Variants in MELK observed in about 807,000 individuals in gnomAD.
MELK encodes the protein maternal embryonic leucine zipper kinase.
MELK carries 81 observed loss-of-function variants against 85.0 expected under a neutral mutation model. That is an observed-to-expected ratio of 0.95 (90% CI 0.80 to 1.15). The LOEUF (loss-of-function observed/expected upper bound fraction) is 1.15. Among genes scored for constraint, MELK ranks in the 50% most tolerant of loss-of-function variants. The pLI, the probability that MELK is intolerant of heterozygous loss-of-function variation, is 0.00. For synonymous variants in MELK, 252 were observed against 265.0 expected (o/e 0.95, Z 0.48); for missense variants, 754 against 777.5 (o/e 0.97, Z 0.36).
At chr9:36,584,846 T>A (rs1049409134) in intron 3 of MELK, among the ~76,000 whole-genome samples, 3 of 151,372 alleles carry the variant, frequency 2.0e-5, no homozygotes, top group Non-Finnish European at 2.9e-5. Context: ...GCCTCCTGAG[T>A]GGGTGTGACC....
chr9:36,658,658 T>G (rs1831489844), intron 13 of MELK, among the ~76,000 whole-genome samples: 1 of 152,078 alleles, frequency 6.6e-6, no homozygotes, highest in Admixed American at 6.6e-5. Flanking sequence ...TTCCATTGAC[T>G]GTTTTTGTTT....
intron 10 of MELK, among the ~76,000 whole-genome samples, chr9:36,641,479 A>T (rs753116172): frequency 7.2e-5 from 11 of 152,172 alleles, no homozygotes; most frequent in Non-Finnish European, 1.5e-4. Context: ...CAGAGATCAC[A>T]GGGAGACAGA....
At chr9:36,615,947 C>T (rs1388761034) in intron 8 of MELK, among the ~76,000 whole-genome samples, 3 of 151,388 alleles carry the variant, frequency 2.0e-5, no homozygotes, top group South Asian at 4.3e-4. Flanking sequence ...ACTTCCCAGA[C>T]GGGGTGGCGG....
At chr9:36,583,594 GCTTATGCTTTCA>G in intron 2 of MELK, 21 bp from the exon 3 acceptor site, 1 of 1,471,058 alleles carries the variant, frequency 6.8e-7, no homozygotes. Context: ...CTGAGTCCTT[GCTTATGCTTTCA>G]TAATACATTT....
intron 10 of MELK, among the ~76,000 whole-genome samples, chr9:36,637,557 G>C (rs1325311435): frequency 6.6e-6 from 1 of 152,306 alleles, no homozygotes; most frequent in South Asian, 2.1e-4. Flanking sequence ...GATAATTGGG[G>C]ATATTCTCTG....
At chr9:36,604,414 T>G (rs1399619595) in intron 7 of MELK, among the ~76,000 whole-genome samples, 1 of 150,528 alleles carries the variant, frequency 6.6e-6, no homozygotes, top group Non-Finnish European at 1.5e-5. Context: ...TTCTCATTCC[T>G]CAGCCTTCCA....
chr9:36,592,980 T>C (rs942941807), intron 4 of MELK, among the ~76,000 whole-genome samples: 4 of 152,188 alleles, frequency 2.6e-5, no homozygotes, highest in African/African-American at 9.7e-5. Context: ...CAACTGCTCA[T>C]CTGATTTCTA....
chr9:36,623,278 A>G (rs1189213181), intron 8 of MELK, among the ~76,000 whole-genome samples: 1 of 152,212 alleles, frequency 6.6e-6, no homozygotes, highest in Non-Finnish European at 1.5e-5. Context: ...CCTGGCTGAC[A>G]GTTGGTTTCT....
intron 8 of MELK, among the ~76,000 whole-genome samples, chr9:36,624,980 T>C (rs578170333): frequency 1.3e-5 from 2 of 152,234 alleles, no homozygotes; most frequent in East Asian, 3.9e-4. Flanking sequence ...CCCTCATAGA[T>C]AGTGTATGAG....
chr9:36,597,398 C>A, intron 6 of MELK, 108 bp downstream of exon 6: 1 of 990,354 alleles, frequency 1.0e-6, no homozygotes, highest in Non-Finnish European at 1.5e-6. Flanking sequence ...TGGTTGCATC[C>A]ATTGAGAAGA....
At chr9:36,647,281 T>A (rs989834164) in intron 11 of MELK, among the ~76,000 whole-genome samples, 3 of 152,188 alleles carry the variant, frequency 2.0e-5, no homozygotes, top group African/African-American at 7.2e-5. Flanking sequence ...AGTGGCAACT[T>A]GTTTCTTAGC....
chr9:36,616,854 T>C (rs1217858372), intron 8 of MELK, among the ~76,000 whole-genome samples: 1 of 147,592 alleles, frequency 6.8e-6, no homozygotes, highest in African/African-American at 2.5e-5. Context: ...ACACAGATGG[T>C]AGCATACCAT....
At chr9:36,623,050 A>G (rs57253550) in intron 8 of MELK, among the ~76,000 whole-genome samples, 1 of 152,214 alleles carries the variant, frequency 6.6e-6, no homozygotes, top group Non-Finnish European at 1.5e-5. Context: ...CATTAACACT[A>G]TTGGCATTTG....
At chr9:36,605,845 T>G (rs1409936509) in intron 7 of MELK, among the ~76,000 whole-genome samples, 1 of 150,144 alleles carries the variant, frequency 6.7e-6, no homozygotes, top group Non-Finnish European at 1.5e-5. Context: ...TTTCCTCTTT[T>G]TCTTTTTTTG....
rs1587503957 is a variant in MELK, at chr9:36,632,292, G to A, written c.736-810G>A. Among the ~76,000 whole-genome samples the A allele has an allele frequency of 2.0e-5, 3 of 152,088 alleles. No homozygotes were observed. The East Asian group carries it at 5.8e-4, about 29-fold the overall frequency. ...TGAAAGATAGGAGTGCTGAAGCCTA[G>A]GTAAGCACTCTACCAATTAATCAAT... is the stretch of plus-strand genomic sequence containing the variant. On this transcript the variant is annotated intron_variant, in intron 9 of 17. Transcript: ENST00000298048.
In MELK at chr9:36,677,240, A is replaced by C. The variant is rs1833424541; in HGVS notation, c.1859A>C (p.Lys620Thr). 2 of 1,614,050 alleles carry C rather than the reference A, an allele frequency of 1.2e-6. No individual in the cohort carries two copies. The highest frequency in any genetic ancestry group is 1.7e-6 in the Non-Finnish European group (2 of 1,180,018). Residue 620 changes from lysine to threonine, a missense_variant, in exon 18 of 18, where the codon AAA becomes ACA. Physicochemically the swap from Lys to Thr is moderately conservative, Grantham distance 78. Coordinates refer to ENST00000298048, the MANE Select transcript of MELK (RefSeq NM_014791.4). ...QFELEVCQLQ[K>T]PDVVGIRRQR... ...GAATTAGAAGTGTGCCAGCTTCAAA[A>C]ACCCGATGTGGTGGGTATCAGGAGG...
intron 10 of MELK, among the ~76,000 whole-genome samples, chr9:36,641,380 C>T (rs1829736771): frequency 6.6e-6 from 1 of 152,116 alleles, no homozygotes; most frequent in Non-Finnish European, 1.5e-5. Flanking sequence ...TTCAAGGCCG[C>T]ATGGTTATTA....
At position 36,669,308 on chromosome 9, in the gene MELK, A is replaced by G. The variant is rs1832675301; in HGVS notation, c.1409-2A>G. 2 of 1,594,124 alleles carry G rather than the reference A, an allele frequency of 1.3e-6. No homozygotes were observed. ...GGATTGTGTTTGTTCTGTTTCTAATAGCTAGAAACCAGTGCCTGAAAGAAA... is the reference window on the plus strand; with the variant it reads ...GGATTGTGTTTGTTCTGTTTCTAATGGCTAGAAACCAGTGCCTGAAAGAAA... On this transcript the variant is annotated splice_acceptor_variant, in intron 14 of 17. Transcript: ENST00000298048. LOFTEE classifies it high-confidence loss of function.
At chr9:36,619,374 A>G (rs552066542) in intron 8 of MELK, among the ~76,000 whole-genome samples, 1 of 152,342 alleles carries the variant, frequency 6.6e-6, no homozygotes, top group South Asian at 2.1e-4. Context: ...AGTTATGGGT[A>G]TTCTGTGATG....
Sources: gnomAD v4.1 joint callset for allele counts (sites outside exome capture counted in the v4.1 genomes callset) on GRCh38, gnomAD v4.1.1 for gene constraint, MANE v1.5 for transcripts, NCBI Gene and HGNC (gene_info 2026-07-23, HGNC 2026-07-21) for gene names.